Variants in PDZD2 observed in about 807,000 individuals in gnomAD.
The protein encoded by PDZD2 is PDZ domain containing 2.
PDZD2 carries 90 observed loss-of-function variants against 220.7 expected under a neutral mutation model. The ratio of observed to expected loss-of-function variants is 0.41; its 90% CI spans 0.34 to 0.49. The LOEUF (loss-of-function observed/expected upper bound fraction) is 0.49, where lower values mean the gene tolerates loss of function less well. PDZD2 is among the 20% of genes least tolerant of loss of function. The probability of loss-of-function intolerance (pLI) is 0.28; values close to 1 mark genes in which losing one functional copy is unlikely to be tolerated. For synonymous variants in PDZD2, 1,375 were observed against 1,450.5 expected (o/e 0.95, Z 1.18); for missense variants, 3,174 against 3,608.5 (o/e 0.88, Z 3.08).
rs533496485 is a variant in PDZD2, at chr5:31,686,788, C to T, written c.-361+47351C>T. Among the ~76,000 whole-genome samples, 7 of 152,202 alleles carry T rather than the reference C, an allele frequency of 4.6e-5. No homozygotes were observed. In the East Asian group the frequency reaches 1.4e-3, roughly 29 times the overall value. On this transcript the variant is annotated intron_variant, in intron 1 of 24. Transcript: ENST00000438447. ...GGATATGGTTTTCCATTATATTTTT[C>T]AAACTTATTTTTGCATATATTACAA...
Position 32,083,766 on chromosome 5 carries a change from T to A in PDZD2, c.3683-3365T>A, listed in dbSNP as rs1474856403. Among the ~76,000 whole-genome samples, 5 of 152,032 alleles carry A rather than the reference T, an allele frequency of 3.3e-5. No individual in the cohort carries two copies. The highest frequency in any genetic ancestry group is 7.4e-5 in the Non-Finnish European group (5 of 68,008). On this transcript the variant is annotated intron_variant, in intron 19 of 24. Coordinates refer to ENST00000438447, the MANE Select transcript of PDZD2 (RefSeq NM_178140.4). This position sits in a 1 kb window ranked among gnomAD's most constrained non-coding sequence, Gnocchi z 4.1. ...ATCTCGGCTCACTGCAACCTCCGCC[T>A]CCCAGGTTCAGGCAGTTCTCCTGCC...
intron 2 of PDZD2, among the ~76,000 whole-genome samples, chr5:31,903,850 A>T (rs1352955786): frequency 3.3e-5 from 5 of 151,832 alleles, no homozygotes; most frequent in African/African-American, 1.2e-4. Flanking sequence ...CAGCCTCCCG[A>T]GTAGCTGGGA....
At chr5:31,906,730 C>A (rs926793286) in intron 2 of PDZD2, among the ~76,000 whole-genome samples, 5 of 152,024 alleles carry the variant, frequency 3.3e-5, no homozygotes, top group African/African-American at 9.7e-5. Flanking sequence ...GTAGTCCCAG[C>A]TGGTTGGGAG....
chr5:32,008,111 G>A lies in PDZD2; in HGVS notation c.1255-2219G>A, dbSNP rs964703842. 4.0e-5 allele frequency among the ~76,000 whole-genome samples: 6 copies of A among 150,482 alleles called. No individual in the cohort carries two copies. In the East Asian group the frequency reaches 5.8e-4, roughly 15 times the overall value. ...TCGAGACCAGCCTGGTCAACATAGC[G>A]AGACCCCATCTCTATAAAATAATAA... On this transcript the variant is annotated intron_variant, in intron 5 of 24. Coordinates refer to ENST00000438447, the MANE Select transcript of PDZD2 (RefSeq NM_178140.4).
At chr5:31,977,097 A>G (rs1354745636) in intron 2 of PDZD2, among the ~76,000 whole-genome samples, 1 of 149,176 alleles carries the variant, frequency 6.7e-6, no homozygotes, top group Non-Finnish European at 1.5e-5. Context: ...GGCTCAAGCG[A>G]CCCTCCTACC....
intron 2 of PDZD2, chr5:31,843,724 C>G (rs1757445850): frequency 6.6e-6 from 1 of 152,254 alleles, no homozygotes; most frequent in Non-Finnish European, 1.5e-5. Flanking sequence ...CACAGCTCCC[C>G]TTCATACCCT....
chr5:31,853,969 AATGTGTT>A, intron 2 of PDZD2, among the ~76,000 whole-genome samples: 2 of 152,214 alleles, frequency 1.3e-5, no homozygotes, highest in East Asian at 3.9e-4. Context: ...AGCCAGGTGA[AATGTGTT>A]TTGAGCAGAC....
At chr5:32,075,606 T>C (rs1741209453) in intron 18 of PDZD2, among the ~76,000 whole-genome samples, 3 of 152,232 alleles carry the variant, frequency 2.0e-5, no homozygotes, top group South Asian at 4.1e-4. Flanking sequence ...TACGAGTATG[T>C]TAGAATATCA....
intron 1 of PDZD2, among the ~76,000 whole-genome samples, chr5:31,659,332 AC>A (rs761426348): frequency 1.4e-4 from 21 of 152,010 alleles, no homozygotes; most frequent in Non-Finnish European, 2.5e-4. Flanking sequence ...CCACCTATGT[AC>A]TGATCACTTC....
At position 32,069,732 on chromosome 5, in the gene PDZD2, T is replaced by C; in HGVS notation, c.2533+82T>C. 2.9e-5 allele frequency: 21 copies of C among 732,538 alleles called. No individual in the cohort carries two copies. In the South Asian group the frequency reaches 3.2e-4, roughly 11 times the overall value. The allele number at this position is 732,538 out of a possible 1,614,324, so 45.4% of individuals were successfully genotyped here. A position where few individuals can be genotyped will look rare whatever the true frequency, so the allele number is the denominator to read the frequency against. The stretch of plus-strand genomic sequence containing the variant: ...CCACAGGCACTCCCCAGTGCAGTAT[T>C]ATTGGATTCTTGGTAATTATCAGGT... On this transcript the variant is annotated intron_variant, in intron 15 of 24. Transcript: ENST00000438447.
intron 7 of PDZD2, among the ~76,000 whole-genome samples, chr5:32,039,234 TGCCTGGGATTCCA>T (rs1755822243): frequency 6.6e-6 from 1 of 151,798 alleles, no homozygotes. Context: ...GCCTGCCGAG[TGCCTGGGATTCCA>T]GGCACTGCGC....
chr5:31,685,810 C>T (rs749021230), intron 1 of PDZD2, among the ~76,000 whole-genome samples: 2 of 151,748 alleles, frequency 1.3e-5, no homozygotes, highest in South Asian at 2.1e-4. Flanking sequence ...TGTGAGTCAC[C>T]GCACCCAGCC....
At chr5:31,653,334 C>A (rs1561364653) in intron 1 of PDZD2, among the ~76,000 whole-genome samples, 1 of 151,856 alleles carries the variant, frequency 6.6e-6, no homozygotes, top group African/African-American at 2.4e-5. Flanking sequence ...TAGTGCAGTG[C>A]GTGTACTATA....
At chr5:31,814,217 A>G (rs1392029656) in intron 2 of PDZD2, among the ~76,000 whole-genome samples, 1 of 152,210 alleles carries the variant, frequency 6.6e-6, no homozygotes, top group African/African-American at 2.4e-5. Flanking sequence ...AACTAGAATA[A>G]AAAGGAATTC....
At chr5:31,766,502 C>A (rs2150192882) in intron 1 of PDZD2, among the ~76,000 whole-genome samples, 1 of 152,168 alleles carries the variant, frequency 6.6e-6, no homozygotes, top group South Asian at 2.1e-4. Flanking sequence ...CCCACCTCAG[C>A]CCCATCATCC....
intron 18 of PDZD2, among the ~76,000 whole-genome samples, chr5:32,076,389 G>T (rs1231599103): frequency 6.7e-6 from 1 of 148,274 alleles, no homozygotes; most frequent in Non-Finnish European, 1.5e-5. Context: ...TAAAATAAGA[G>T]TTTTGTAATT....
chr5:31,669,062 G>A (rs1293868070), intron 1 of PDZD2, among the ~76,000 whole-genome samples: 2 of 151,092 alleles, frequency 1.3e-5, no homozygotes, highest in Admixed American at 6.6e-5. Flanking sequence ...GACATTTTTG[G>A]TGTCCCTGGG....
chr5:31,835,417 G>A (rs1258518090), intron 2 of PDZD2, among the ~76,000 whole-genome samples: 2 of 144,996 alleles, frequency 1.4e-5, no homozygotes, highest in Non-Finnish European at 3.0e-5. Flanking sequence ...TCAGGAGTTC[G>A]AGACCAGCCT....
chr5:32,090,845 A>C lies in PDZD2; in HGVS notation c.7397A>C (p.Lys2466Thr), dbSNP rs980821738. The change falls in exon 20 of 25, where the codon AAG (lysine) becomes ACG (threonine). Residue 2466 changes from lysine to threonine, a missense_variant. Physicochemically the swap from Lys to Thr is moderately conservative, Grantham distance 78. Coordinates refer to ENST00000438447, the MANE Select transcript of PDZD2 (RefSeq NM_178140.4). This position sits in a 1 kb window ranked among gnomAD's most constrained non-coding sequence, Gnocchi z 4.3. ...CTGGCTTCTCCTGTTAAGAGGAACA[A>C]GTCCTCGGTACGCCACACGCAGCCC... is the stretch of plus-strand genomic sequence containing the variant. ...MTLASPVKRN[K>T]SSVRHTQPSP... 3.1e-6 allele frequency: 5 copies of C among 1,614,030 alleles called. No individual in the cohort carries two copies. Among genetic ancestry groups the C allele is most frequent in the Non-Finnish European group, 4.2e-6 (5 of 1,180,006 alleles).
Sources: allele counts gnomAD v4.1 joint callset (sites outside exome capture counted in the v4.1 genomes callset), GRCh38; gene constraint gnomAD v4.1.1; non-coding constraint Gnocchi (gnomAD v3.1); transcripts MANE v1.5; gene names NCBI Gene and HGNC (gene_info 2026-07-23, HGNC 2026-07-21).